RIMS2: variants seen among roughly 807,000 people sequenced by gnomAD.
RIMS2 encodes regulating synaptic membrane exocytosis protein 2.
In RIMS2, 59 loss-of-function variants were observed where a neutral mutation model predicts 174.4. The ratio of observed to expected loss-of-function variants is 0.34; its 90% CI spans 0.27 to 0.42. The LOEUF (loss-of-function observed/expected upper bound fraction) is 0.42. Among genes scored for constraint, RIMS2 ranks in the 10% least tolerant of loss-of-function variants. The pLI, the probability that RIMS2 is intolerant of heterozygous loss-of-function variation, is 1.00. For missense variants in RIMS2, 1,620 were observed against 1,666.3 expected, an observed-to-expected ratio of 0.97 and a Z score of 0.48; for synonymous variants, 606 against 572.5, an observed-to-expected ratio of 1.06 and a Z score of -0.84.
intron 19 of RIMS2, among the ~76,000 whole-genome samples, chr8:104,063,320 A>G (rs532536285): frequency 6.6e-6 from 1 of 151,976 alleles, no homozygotes; most frequent in Non-Finnish European, 1.5e-5. Flanking sequence ...AACAATAAAA[A>G]TTGTTTTCTA....
exon 15 of RIMS2, chr8:103,961,084 T>C (rs769680733): frequency 3.5e-5 from 53 of 1,501,218 alleles, no homozygotes; most frequent in Non-Finnish European, 4.3e-5. Context: ...GAATAAGTGA[T>C]AGTGAAGTCT....
intron 19 of RIMS2, among the ~76,000 whole-genome samples, chr8:104,189,600 T>TA (rs2098987230): frequency 1.4e-5 from 2 of 140,524 alleles, no homozygotes; most frequent in African/African-American, 2.5e-5. Flanking sequence ...ATATATATAT[T>TA]TATGTAAATA....
At chr8:103,603,368 G>A (rs964521637) in intron 1 of RIMS2, among the ~76,000 whole-genome samples, 1 of 151,050 alleles carries the variant, frequency 6.6e-6, no homozygotes, top group African/African-American at 2.4e-5. Flanking sequence ...TGGTGTATAT[G>A]TGCCACATTT....
intron 4 of RIMS2, among the ~76,000 whole-genome samples, chr8:103,905,421 T>C (rs905429058): frequency 6.6e-6 from 1 of 152,168 alleles, no homozygotes; most frequent in Non-Finnish European, 1.5e-5. Flanking sequence ...CACTTCCTTT[T>C]GGCCTCTGTT....
chr8:104,093,586 G>A (rs949667790), intron 19 of RIMS2: 2 of 1,597,532 alleles, frequency 1.3e-6, no homozygotes, highest in African/African-American at 1.3e-5. Flanking sequence ...TCTCGTTTCA[G>A]CAGCACAAGC....
At chr8:103,878,832 A>T (rs2099154299) in intron 3 of RIMS2, among the ~76,000 whole-genome samples, 1 of 151,610 alleles carries the variant, frequency 6.6e-6, no homozygotes, top group Non-Finnish European at 1.5e-5. Flanking sequence ...TCTTTTAAAT[A>T]CGAGTTGAAA....
intron 1 of RIMS2, among the ~76,000 whole-genome samples, chr8:103,541,776 A>C (rs1842707139): frequency 6.6e-6 from 1 of 152,230 alleles, no homozygotes; most frequent in Admixed American, 6.5e-5. Context: ...AAAAGATATA[A>C]ATTGTGACAA....
At chr8:103,644,606 T>A (rs1474946182) in intron 1 of RIMS2, among the ~76,000 whole-genome samples, 1 of 151,856 alleles carries the variant, frequency 6.6e-6, no homozygotes, top group Non-Finnish European at 1.5e-5. Context: ...GTAATGTGAT[T>A]TTATCTAAAA....
chr8:103,852,026 C>T (rs550699643), intron 3 of RIMS2, among the ~76,000 whole-genome samples: 12 of 152,052 alleles, frequency 7.9e-5, no homozygotes, highest in African/African-American at 2.9e-4. Flanking sequence ...CTGCAGTTTC[C>T]GTATTCTTCT....
At chr8:103,661,771 C>T (rs2096604230) in intron 1 of RIMS2, among the ~76,000 whole-genome samples, 1 of 152,200 alleles carries the variant, frequency 6.6e-6, no homozygotes, top group African/African-American at 2.4e-5. Context: ...TCCCAACGTG[C>T]TAGGATTACA....
At chr8:104,021,266 T>C (rs1398612098) in intron 19 of RIMS2, among the ~76,000 whole-genome samples, 1 of 152,162 alleles carries the variant, frequency 6.6e-6, no homozygotes, top group African/African-American at 2.4e-5. Context: ...ATGCACATTC[T>C]AGAATATGAT....
At chr8:104,057,641 A>C (rs1228918041) in intron 19 of RIMS2, among the ~76,000 whole-genome samples, 2 of 151,416 alleles carry the variant, frequency 1.3e-5, no homozygotes, top group East Asian at 1.9e-4. Flanking sequence ...ATATGTATAC[A>C]TGTGCCATGC....
Position 103,756,070 on chromosome 8 carries a change from A to G in RIMS2, c.388-10157A>G, listed in dbSNP as rs147001230. 1.3e-3 allele frequency among the ~76,000 whole-genome samples: 195 copies of G among 152,228 alleles called. 5 individuals carry two copies. In the East Asian group the frequency reaches 0.035, roughly 27 times the overall value. On this transcript the variant is annotated intron_variant, in intron 2 of 23. Coordinates refer to ENST00000504942, the Ensembl canonical transcript of RIMS2. ...TCTCCCCATCTTTGTGGTTTTATCT[A>G]CGTTTGATCTTTGATGTTGGTGTCC... is the stretch of plus-strand genomic sequence containing the variant.
At chr8:103,775,591 T>C (rs929599205) in intron 3 of RIMS2, among the ~76,000 whole-genome samples, 2 of 152,170 alleles carry the variant, frequency 1.3e-5, no homozygotes, top group Non-Finnish European at 2.9e-5. Flanking sequence ...AAAGCTGTAA[T>C]AATTAAATAA....
intron 16 of RIMS2, chr8:103,976,547 T>A (rs2093442082): frequency 7.2e-6 from 1 of 139,706 alleles, no homozygotes; most frequent in African/African-American, 2.8e-5. Flanking sequence ...TTTTTCTTTT[T>A]CTTTTTTTTT....
intron 1 of RIMS2, among the ~76,000 whole-genome samples, chr8:103,625,562 A>G (rs923352240): frequency 6.6e-6 from 1 of 152,204 alleles, no homozygotes; most frequent in Non-Finnish European, 1.5e-5. Flanking sequence ...ACAACAACAT[A>G]TAAAGGGAGA....
At chr8:104,254,694 A>C (rs1233864042), downstream of RIMS2, 1 of 152,210 alleles carries the variant, frequency 6.6e-6, no homozygotes, top group Non-Finnish European at 1.5e-5. Context: ...ATGACTCAGC[A>C]ACTCACAGAT....
exon 1 of RIMS2, chr8:103,501,012 C>A: frequency 6.2e-7 from 1 of 1,611,124 alleles, no homozygotes; most frequent in Non-Finnish European, 8.5e-7. Context: ...TCATCCTGGC[C>A]GTCATGGATA....
chr8:104,070,840 G>GT (rs1289436292), intron 19 of RIMS2, among the ~76,000 whole-genome samples: 1 of 152,054 alleles, frequency 6.6e-6, no homozygotes, highest in African/African-American at 2.4e-5. Context: ...ATAAAACAAG[G>GT]TAACTCCAGA....
Sources: allele counts gnomAD v4.1 joint callset (sites outside exome capture counted in the v4.1 genomes callset), GRCh38; gene constraint gnomAD v4.1.1; transcripts MANE v1.5; gene names NCBI Gene and HGNC (gene_info 2026-07-23, HGNC 2026-07-21).